The following SH3GLB2 variants were observed in gnomAD, a reference collection of about 807,000 sequenced individuals.
The protein encoded by SH3GLB2 is endophilin-B2.
Under a neutral mutation model 48.0 loss-of-function variants are expected in SH3GLB2, and 24 were observed. The observed-to-expected ratio is 0.50, with a 90% CI of 0.36 to 0.70. The LOEUF is 0.70. Among genes scored for constraint, SH3GLB2 ranks in the 30% least tolerant of loss-of-function variants. SH3GLB2 has a pLI of 0.00. For synonymous variants in SH3GLB2, 227 were observed against 207.6 expected (o/e 1.09, Z -0.80); for missense variants, 425 against 516.0 (o/e 0.82, Z 1.71).
At chr9:129,008,966 C>G in intron 10 of SH3GLB2, 140 bp downstream of exon 10, 8 of 1,422,126 alleles carry the variant, frequency 5.6e-6, no homozygotes, top group Non-Finnish European at 6.7e-6. Flanking sequence ...ATCCTTTCCT[C>G]AGAGCTGGAT....
At chr9:129,012,522 G>A (rs1843186146) in intron 5 of SH3GLB2, 3 of 416,900 alleles carry the variant, frequency 7.2e-6, no homozygotes. Context: ...GTGGCTGCAG[G>A]CACTGGAGCT....
intron 9 of SH3GLB2, 126 bp downstream of exon 9, chr9:129,009,645 G>A: frequency 7.3e-7 from 1 of 1,372,574 alleles, no homozygotes; most frequent in East Asian, 2.5e-5. Flanking sequence ...CACCCAGAGT[G>A]GGTTCCAGCA....
chr9:129,014,788 C>T lies in SH3GLB2; in HGVS notation c.451G>A (p.Asp151Asn), dbSNP rs755403049. Residue 151 changes from aspartate (D) to asparagine (N), a missense_variant, in exon 4 of 11, where the codon GAC becomes AAC. Asp to Asn is a conservative substitution (Grantham distance 23, BLOSUM62 1). Transcript: ENST00000372564. This position sits in a 1 kb window ranked among gnomAD's most constrained non-coding sequence, Gnocchi z 4.1. ...LTPLRNFLEG[D>N]WKTISKERRL... is the part of the protein sequence containing the mutation. ...GCCCTCACCGAGATGGTCTTCCAGTCCCCCTCCAGGAAGTTGCGCAAGGGT... is the reference window on the plus strand; with the variant it reads ...GCCCTCACCGAGATGGTCTTCCAGTTCCCCTCCAGGAAGTTGCGCAAGGGT... 2 of 1,613,494 alleles carry T rather than the reference C, an allele frequency of 1.2e-6. No individual in the cohort carries two copies. The highest frequency in any genetic ancestry group is 3.3e-5 in the Admixed American group (2 of 59,918).
intron 3 of SH3GLB2, 145 bp downstream of exon 3, chr9:129,020,946 T>G: frequency 2.9e-6 from 3 of 1,038,818 alleles, no homozygotes. Context: ...TTTTACTCTT[T>G]TTTTCTGCGT....
At position 129,008,607 on chromosome 9, in the gene SH3GLB2, A is replaced by G; in HGVS notation, c.*77T>C. On this transcript the variant is annotated 3_prime_UTR_variant, in exon 11 of 11. Transcript: ENST00000372564. ...CCCACTCTGAACAACTGTGTCACCA[A>G]CAAACAAGTTAAGTGGCAGGGCTGC... The G allele has an allele frequency of 3.6e-6, 4 of 1,125,062 alleles. No individual in the cohort carries two copies. Among genetic ancestry groups the G allele is most frequent in the Non-Finnish European group, 5.3e-6 (4 of 750,156 alleles). 69.7% of individuals were successfully genotyped at this position (1,125,062 alleles called of 1,614,324 possible).
chr9:129,027,276 C>A (rs1191023471), intron 1 of SH3GLB2, among the ~76,000 whole-genome samples: 1 of 152,108 alleles, frequency 6.6e-6, no homozygotes, highest in Admixed American at 6.6e-5. Context: ...TATGCAGAGT[C>A]CCACAGAATC....
At chr9:129,009,620 C>G in intron 9 of SH3GLB2, 151 bp downstream of exon 9, 2 of 1,408,732 alleles carry the variant, frequency 1.4e-6, no homozygotes, top group Non-Finnish European at 2.0e-6. Flanking sequence ...CACCCTCATA[C>G]ACATGAGATG....
intron 3 of SH3GLB2, among the ~76,000 whole-genome samples, chr9:129,016,749 CT>C (rs1843451136): frequency 6.6e-6 from 1 of 151,942 alleles, no homozygotes; most frequent in African/African-American, 2.4e-5. Context: ...GGCTATACTA[CT>C]ACCAGACAAA....
At position 129,014,743 on chromosome 9, in the gene SH3GLB2, G is replaced by A; in HGVS notation, c.468+28C>T. 6.2e-7 allele frequency: 1 copy of A among 1,602,934 alleles called. No individual in the cohort carries two copies. Among genetic ancestry groups the A allele is most frequent in the South Asian group, 1.1e-5 (1 of 89,998 alleles). ...GAGGAGGGAACTGCCATGGTTACCA[G>A]GAAGCGGAATAGTCCCAGGGCCCTC... On this transcript the variant is annotated intron_variant, in intron 4 of 10. Coordinates refer to ENST00000372564, the MANE Select transcript of SH3GLB2 (RefSeq NM_020145.4). This position sits in a 1 kb window ranked among gnomAD's most constrained non-coding sequence, Gnocchi z 4.1.
rs1256128807 is a variant in SH3GLB2, at chr9:129,007,582, G to C, written c.*1102C>G. On this transcript the variant is annotated 3_prime_UTR_variant, in exon 11 of 11. Transcript: ENST00000372564. ...GCTGCCTGGGCTTCAGTCCCTGCTT[G>C]GCCACTTGCCAACTGTGGTCCCTTG... The C allele has an allele frequency of 6.6e-6, 1 of 152,172 alleles. No homozygotes were observed. The highest frequency in any genetic ancestry group is 1.5e-5 in the Non-Finnish European group (1 of 68,056). 9.4% of individuals were successfully genotyped at this position (152,172 alleles called of 1,614,324 possible).
At chr9:129,010,798 C>CCTGCCCCT (rs1487556885) in intron 6 of SH3GLB2, 105 bp from the exon 7 acceptor site, 2 of 1,403,986 alleles carry the variant, frequency 1.4e-6, no homozygotes, top group Non-Finnish European at 2.0e-6. Flanking sequence ...CTTCTGCCCC[C>CCTGCCCCT]CTGCCCCTCT....
At chr9:129,009,722 G>T (rs746385642) in intron 9 of SH3GLB2, 49 bp downstream of exon 9, 1 of 1,537,562 alleles carries the variant, frequency 6.5e-7, no homozygotes, top group Admixed American at 1.9e-5. Flanking sequence ...CACGGACAGG[G>T]TATGGGAGCC....
At chr9:129,018,997 G>GA (rs1843619662) in intron 3 of SH3GLB2, among the ~76,000 whole-genome samples, 1 of 151,906 alleles carries the variant, frequency 6.6e-6, no homozygotes, top group Admixed American at 6.6e-5. Flanking sequence ...AACTTATAGG[G>GA]ACCGAAAACA....
intron 9 of SH3GLB2, 129 bp from the exon 10 acceptor site, chr9:129,009,475 C>T: frequency 3.2e-6 from 5 of 1,549,380 alleles, no homozygotes; most frequent in Non-Finnish European, 4.4e-6. Context: ...GAGCTGGCAG[C>T]ACAAAGGGAA....
At position 129,014,366 on chromosome 9, in the gene SH3GLB2, G is replaced by T; in HGVS notation, c.561+45C>A. 6.5e-7 allele frequency: 1 copy of T among 1,531,144 alleles called. No individual in the cohort carries two copies. The allele number at this position is 1,531,144 out of a possible 1,614,324, so 94.8% of individuals were successfully genotyped here. A position where few individuals can be genotyped will look rare whatever the true frequency, so the allele number is the denominator to read the frequency against. On this transcript the variant is annotated intron_variant, in intron 5 of 10. Coordinates refer to ENST00000372564, the MANE Select transcript of SH3GLB2 (RefSeq NM_020145.4). The surrounding 1 kb of genome is among the most constrained non-coding windows in gnomAD (Gnocchi z 4.1). ...TTCATGCCACCACCCCTTGGCTCCA[G>T]CCAGAGCCTGGGCCAGGAGGCCAGC... is the stretch of plus-strand genomic sequence containing the variant.
At chr9:129,013,824 C>G (rs1228906570) in intron 5 of SH3GLB2, 2 of 295,548 alleles carry the variant, frequency 6.8e-6, no homozygotes, top group Non-Finnish European at 1.4e-5. Context: ...ATCCTGGCCT[C>G]GCCCTGGGCA....
intron 5 of SH3GLB2, chr9:129,012,678 C>T: frequency 2.1e-6 from 1 of 486,432 alleles, no homozygotes; most frequent in Non-Finnish European, 3.6e-6. Context: ...AGCCCACCCC[C>T]AACTGGGATG....
rs778864345 is a variant in SH3GLB2 at position 129,021,213 on chromosome 9, C to T, written c.212G>A (p.Arg71Gln). Residue 71 changes from arginine (R) to glutamine (Q), a missense_variant, in exon 3 of 11, where the codon CGA (arginine) becomes CAA (glutamine). Arg to Gln is a conservative substitution (Grantham distance 43, BLOSUM62 1). Coordinates refer to ENST00000372564, the MANE Select transcript of SH3GLB2 (RefSeq NM_020145.4). ...EVLLQPNPSA[R>Q]VEEFLYEKLD... ...CTTCTCATACAGGAACTCCTCCACT[C>T]GGGCACCTGTGGGGAGACAGCAGCC... 10 of 1,606,094 alleles carry T rather than the reference C, an allele frequency of 6.2e-6. No homozygotes were observed. The Admixed American group carries it at 8.5e-5, about 14-fold the overall frequency.
chr9:129,016,073 T>G (rs1334421421), intron 3 of SH3GLB2, among the ~76,000 whole-genome samples: 1 of 152,124 alleles, frequency 6.6e-6, no homozygotes, highest in Non-Finnish European at 1.5e-5. Context: ...CCGGGCGCAG[T>G]GGCTCACGCC....
Sources: gnomAD v4.1 joint callset for allele counts (sites outside exome capture counted in the v4.1 genomes callset) on GRCh38, gnomAD v4.1.1 for gene constraint, Gnocchi (gnomAD v3.1) non-coding constraint, MANE v1.5 for transcripts, NCBI Gene and HGNC (gene_info 2026-07-23, HGNC 2026-07-21) for gene names.